Variants in CDH12 observed in about 807,000 individuals in gnomAD.
CDH12 encodes the protein cadherin-12.
Under a neutral mutation model 74.1 loss-of-function variants are expected in CDH12, and 41 were observed. That is an observed-to-expected ratio of 0.55 (90% CI 0.43 to 0.72). CDH12 has a LOEUF of 0.72. CDH12 is among the 30% of genes least tolerant of loss of function. The pLI is 0.00. For synonymous variants in CDH12, 399 were observed against 355.0 expected (o/e 1.12, Z -1.39); for missense variants, 945 against 977.2 (o/e 0.97, Z 0.44).
chr5:22,368,665 T>C (rs1485790994), intron 3 of CDH12, among the ~76,000 whole-genome samples: 4 of 152,142 alleles, frequency 2.6e-5, no homozygotes, highest in South Asian at 2.1e-4. Flanking sequence ...TCTATAGTAA[T>C]AGAAGCCTGA....
At chr5:22,612,950 C>A (rs565633079) in intron 1 of CDH12, among the ~76,000 whole-genome samples, 85 of 152,176 alleles carry the variant, frequency 5.6e-4, no homozygotes, top group African/African-American at 2.0e-3. Context: ...TTTGAAAAAT[C>A]TACAGATAAT....
At chr5:22,703,510 A>G (rs1161204884) in intron 1 of CDH12, among the ~76,000 whole-genome samples, 1 of 152,166 alleles carries the variant, frequency 6.6e-6, no homozygotes, top group Non-Finnish European at 1.5e-5. Flanking sequence ...TTTTCCCCCA[A>G]AATGAGTGAG....
rs1429980405 is a variant in CDH12 at position 22,066,570 on chromosome 5, C to G, written c.231+11876G>C. Among the ~76,000 whole-genome samples, 2 of 152,114 alleles carry G rather than the reference C, an allele frequency of 1.3e-5. 1 individual carries two copies. The highest frequency in any genetic ancestry group is 2.9e-5 in the Non-Finnish European group (2 of 68,038). On this transcript the variant is annotated intron_variant, in intron 5 of 14. Transcript: ENST00000382254. ...CCTCAACCCATTCTGTGATTACTTC[C>G]AAAGTTCTAGAATGTAATTTGTATA...
chr5:22,459,780 T>C (rs1477001139), intron 2 of CDH12, among the ~76,000 whole-genome samples: 1 of 151,990 alleles, frequency 6.6e-6, no homozygotes. Context: ...TCCTGGTTAA[T>C]ACGGTGAAAC....
At chr5:22,165,507 C>CACAAAT (rs1748628238) in intron 4 of CDH12, among the ~76,000 whole-genome samples, 1 of 7,656 alleles carries the variant, frequency 1.3e-4, no homozygotes, top group East Asian at 0.019. Flanking sequence ...CACATACACA[C>CACAAAT]ACACATACAC....
At chr5:22,538,712 A>AT (rs1307080227) in intron 1 of CDH12, among the ~76,000 whole-genome samples, 2 of 152,152 alleles carry the variant, frequency 1.3e-5, no homozygotes, top group Non-Finnish European at 2.9e-5. Context: ...CTTCAGACTG[A>AT]TTTTTTATAA....
At chr5:22,767,216 C>A (rs894949817) in intron 1 of CDH12, among the ~76,000 whole-genome samples, 1 of 151,798 alleles carries the variant, frequency 6.6e-6, no homozygotes, top group Non-Finnish European at 1.5e-5. Flanking sequence ...TAAACAATCT[C>A]ATGGTAAAAA....
chr5:22,458,174 C>T (rs773494126), intron 2 of CDH12, among the ~76,000 whole-genome samples: 6 of 152,168 alleles, frequency 3.9e-5, no homozygotes, highest in Non-Finnish European at 7.4e-5. Context: ...GCCACCACGC[C>T]GGGGCTCCTT....
chr5:22,649,860 A>C (rs1022301101), intron 1 of CDH12, among the ~76,000 whole-genome samples: 2 of 151,972 alleles, frequency 1.3e-5, no homozygotes, highest in African/African-American at 4.8e-5. Flanking sequence ...AACATTCACA[A>C]CACCATCTAT....
chr5:22,625,846 C>T (rs1738261464), intron 1 of CDH12, among the ~76,000 whole-genome samples: 2 of 152,290 alleles, frequency 1.3e-5, no homozygotes, highest in Admixed American at 1.3e-4. Flanking sequence ...AACCAGCCCA[C>T]TTTCAGCATC....
chr5:22,654,348 G>T (rs11740590), intron 1 of CDH12, among the ~76,000 whole-genome samples: 7,735 of 151,546 alleles, frequency 0.051, 242 homozygotes, highest in Admixed American at 0.065. Context: ...GGAGTGCAAT[G>T]GTGCAATCTC....
chr5:22,761,214 C>T (rs1177185456), intron 1 of CDH12, among the ~76,000 whole-genome samples: 1 of 152,120 alleles, frequency 6.6e-6, no homozygotes, highest in African/African-American at 2.4e-5. Flanking sequence ...AAAATTGCCA[C>T]CCAGCTTTTC....
intron 6 of CDH12, among the ~76,000 whole-genome samples, chr5:21,890,003 A>G (rs1579916733): frequency 6.6e-6 from 1 of 152,284 alleles, no homozygotes; most frequent in East Asian, 1.9e-4. Flanking sequence ...AACAAAATAT[A>G]AATCTCAAAG....
intron 5 of CDH12, among the ~76,000 whole-genome samples, chr5:22,003,652 A>C (rs1270602810): frequency 1.3e-5 from 2 of 152,198 alleles, no homozygotes; most frequent in East Asian, 3.9e-4. Flanking sequence ...ATTCATTTGC[A>C]CTTATAAAAG....
At chr5:22,654,078 C>T (rs1739883753) in intron 1 of CDH12, among the ~76,000 whole-genome samples, 1 of 143,236 alleles carries the variant, frequency 7.0e-6, no homozygotes. Context: ...TTCCTTCTCC[C>T]TTCCCCTTCC....
At chr5:22,413,711 AT>A (rs1743260196) in intron 2 of CDH12, among the ~76,000 whole-genome samples, 1 of 152,042 alleles carries the variant, frequency 6.6e-6, no homozygotes, top group Non-Finnish European at 1.5e-5. Context: ...AGCATAGCAT[AT>A]AGACACACAT....
At chr5:22,471,368 T>C (rs958041840) in intron 2 of CDH12, among the ~76,000 whole-genome samples, 8 of 152,224 alleles carry the variant, frequency 5.3e-5, no homozygotes. Context: ...CATGAGATCA[T>C]GTAATCTCTG....
At chr5:21,804,603 G>A (rs1747321955) in intron 9 of CDH12, among the ~76,000 whole-genome samples, 1 of 146,866 alleles carries the variant, frequency 6.8e-6, no homozygotes. Context: ...AGAAAAAAGA[G>A]AAAACCTCTA....
chr5:21,817,410 T>C (rs992378540), intron 8 of CDH12, among the ~76,000 whole-genome samples: 3 of 152,104 alleles, frequency 2.0e-5, no homozygotes, highest in African/African-American at 4.8e-5. Flanking sequence ...TACACACTTA[T>C]ATGGCATAAA....
Sources: allele counts gnomAD v4.1 joint callset (sites outside exome capture counted in the v4.1 genomes callset), GRCh38; gene constraint gnomAD v4.1.1; transcripts MANE v1.5; gene names NCBI Gene and HGNC (gene_info 2026-07-23, HGNC 2026-07-21).